Variants in MGAT4C observed in about 807,000 individuals in gnomAD.
MGAT4C encodes the protein MGAT4 family member C.
Under a neutral mutation model 40.1 loss-of-function variants are expected in MGAT4C, and 19 were observed. The observed-to-expected ratio is 0.47, with a 90% CI of 0.33 to 0.70. The LOEUF (loss-of-function observed/expected upper bound fraction) is 0.70, where lower values mean the gene tolerates loss of function less well. MGAT4C is among the 30% of genes least tolerant of loss of function. MGAT4C has a pLI of 0.02. For missense variants in MGAT4C, 491 were observed against 563.2 expected (o/e 0.87, Z 1.30); for synonymous variants, 181 against 187.1 (o/e 0.97, Z 0.27).
At chr12:86,728,206 A>G (rs767409010) in intron 1 of MGAT4C, among the ~76,000 whole-genome samples, 25 of 152,182 alleles carry the variant, frequency 1.6e-4, no homozygotes, top group Non-Finnish European at 2.9e-4. Flanking sequence ...TAAATTAATA[A>G]CTCTTGTTAT....
At chr12:86,627,748 A>G (rs1261570903) in intron 2 of MGAT4C, among the ~76,000 whole-genome samples, 2 of 152,230 alleles carry the variant, frequency 1.3e-5, no homozygotes, top group African/African-American at 4.8e-5. Context: ...GGTCATGATC[A>G]TCAAAGACCA....
intron 2 of MGAT4C, among the ~76,000 whole-genome samples, chr12:86,638,848 T>G (rs1483809182): frequency 6.6e-6 from 1 of 151,822 alleles, no homozygotes; most frequent in Non-Finnish European, 1.5e-5. Context: ...ATTTTATTTC[T>G]GCACTGCTGT....
chr12:86,193,158 AT>A (rs1234622902), intron 1 of MGAT4C, among the ~76,000 whole-genome samples: 1 of 151,530 alleles, frequency 6.6e-6, no homozygotes, highest in African/African-American at 2.4e-5. Context: ...TTAACACTTT[AT>A]TTTTTCATTG....
chr12:86,149,643 C>G (rs1884018732), intron 1 of MGAT4C, among the ~76,000 whole-genome samples: 1 of 152,044 alleles, frequency 6.6e-6, no homozygotes, highest in Non-Finnish European at 1.5e-5. Flanking sequence ...TCTTAACTGA[C>G]AAAGAAAGCT....
intron 4 of MGAT4C, among the ~76,000 whole-genome samples, chr12:86,294,739 T>C (rs759546931): frequency 2.0e-5 from 3 of 152,166 alleles, no homozygotes; most frequent in Non-Finnish European, 4.4e-5. Flanking sequence ...GACTCTTATT[T>C]CTTGTCCCAG....
At chr12:86,421,633 A>G (rs1422343582) in intron 3 of MGAT4C, among the ~76,000 whole-genome samples, 1 of 152,018 alleles carries the variant, frequency 6.6e-6, no homozygotes, top group Non-Finnish European at 1.5e-5. Flanking sequence ...AAAGTTTGCC[A>G]GGCATGGTGG....
At chr12:86,773,634 C>T (rs1951677205) in intron 1 of MGAT4C, among the ~76,000 whole-genome samples, 1 of 151,934 alleles carries the variant, frequency 6.6e-6, no homozygotes, top group Non-Finnish European at 1.5e-5. Context: ...TTATAGCTAC[C>T]ACAAGGCATA....
intron 1 of MGAT4C, among the ~76,000 whole-genome samples, chr12:86,218,488 A>G (rs1389699383): frequency 6.6e-6 from 1 of 152,196 alleles, no homozygotes; most frequent in African/African-American, 2.4e-5. Context: ...AGCTTATTTG[A>G]TATATTAAAT....
intron 2 of MGAT4C, among the ~76,000 whole-genome samples, chr12:86,506,847 G>A (rs888124318): frequency 1.3e-5 from 2 of 152,138 alleles, no homozygotes; most frequent in Non-Finnish European, 2.9e-5. Flanking sequence ...TTAGATGAAG[G>A]CAGAAAGAAG....
At chr12:86,700,178 C>CAGATAGATAGATAGAT (rs370834701) in intron 2 of MGAT4C, among the ~76,000 whole-genome samples, 34 of 140,766 alleles carry the variant, frequency 2.4e-4, no homozygotes, top group East Asian at 1.3e-3. Flanking sequence ...GACAGACAGA[C>CAGATAGATAGATAGAT]AGATAGATAG....
chr12:85,986,308 T>C (rs1237958069), intron 3 of MGAT4C, among the ~76,000 whole-genome samples: 1 of 152,178 alleles, frequency 6.6e-6, no homozygotes, highest in Non-Finnish European at 1.5e-5. Flanking sequence ...ATTTTCTGGA[T>C]GGGAATGCAA....
rs893401829 is a variant in MGAT4C at position 85,972,733 on chromosome 12, C to A, written c.*6556G>T. 3.3e-5 allele frequency: 5 copies of A among 150,832 alleles called. No homozygotes were observed. The highest frequency in any genetic ancestry group is 2.6e-4 in the Admixed American group (4 of 15,104). 9.3% of individuals were successfully genotyped at this position (150,832 alleles called of 1,614,324 possible). A position where few individuals can be genotyped will look rare whatever the true frequency, so the allele number is the denominator to read the frequency against. On this transcript the variant is annotated 3_prime_UTR_variant, in exon 5 of 5. Transcript: ENST00000611864. ...TGATAAAGGATCTGAGATAATTGGA[C>A]AATTATGATAAAGGATCTGAGATAA... is the stretch of plus-strand genomic sequence containing the variant.
In MGAT4C at chr12:86,374,140, G is replaced by A. The variant is rs186787862; in HGVS notation, c.-119-40013C>T. ...GGTAGAAAAGTCATGAGCAAAAACA[G>A]ACATGAAAAAAATGAGAGATGTGTT... On this transcript the variant is annotated intron_variant, in intron 3 of 7. Coordinates refer to the MGAT4C transcript ENST00000548651. 3.3e-5 allele frequency among the ~76,000 whole-genome samples: 5 copies of A among 152,064 alleles called. No homozygotes were observed. In the East Asian group the frequency reaches 9.7e-4, roughly 29 times the overall value.
At chr12:86,022,736 A>G (rs1031362760) in intron 2 of MGAT4C, among the ~76,000 whole-genome samples, 10 of 152,282 alleles carry the variant, frequency 6.6e-5, no homozygotes, top group Middle Eastern at 3.4e-3. Flanking sequence ...CTGTTCTTGC[A>G]CTAATGTCTA....
chr12:86,269,081 C>T (rs557175642), intron 4 of MGAT4C, among the ~76,000 whole-genome samples: 32 of 137,490 alleles, frequency 2.3e-4, no homozygotes, highest in Non-Finnish European at 1.5e-4. Flanking sequence ...TTAATTCTCA[C>T]ACTATGTGGA....
At chr12:86,593,915 G>T (rs781177634) in intron 2 of MGAT4C, among the ~76,000 whole-genome samples, 166 of 152,186 alleles carry the variant, frequency 1.1e-3, no homozygotes, top group Non-Finnish European at 1.8e-3. Context: ...TAGAGACAAT[G>T]TCATGCTTTT....
chr12:86,344,849 A>G (rs1954993373), intron 3 of MGAT4C, among the ~76,000 whole-genome samples: 1 of 151,794 alleles, frequency 6.6e-6, no homozygotes, highest in African/African-American at 2.4e-5. Flanking sequence ...GCATTAATAC[A>G]TGTGACATAT....
At chr12:86,754,096 A>G (rs1391167790) in intron 1 of MGAT4C, among the ~76,000 whole-genome samples, 2 of 152,182 alleles carry the variant, frequency 1.3e-5, no homozygotes, top group African/African-American at 4.8e-5. Flanking sequence ...CAAAATATCC[A>G]TTAGCAGATG....
At chr12:86,483,104 G>A (rs1200652960) in intron 2 of MGAT4C, among the ~76,000 whole-genome samples, 3 of 152,140 alleles carry the variant, frequency 2.0e-5, no homozygotes. Context: ...ATCGAGGATG[G>A]TTAGATCCTT....
Sources: gnomAD v4.1 joint callset for allele counts (sites outside exome capture counted in the v4.1 genomes callset) on GRCh38, gnomAD v4.1.1 for gene constraint, MANE v1.5 for transcripts, NCBI Gene and HGNC (gene_info 2026-07-23, HGNC 2026-07-21) for gene names.